The following TASP1 variants were observed in gnomAD, a reference collection of about 807,000 sequenced individuals.
The protein encoded by TASP1 is taspase 1.
TASP1 carries 16 observed loss-of-function variants against 56.6 expected under a neutral mutation model. The ratio of observed to expected loss-of-function variants is 0.28; its 90% CI spans 0.19 to 0.43. The LOEUF is 0.43. Among genes scored for constraint, TASP1 ranks in the 20% least tolerant of loss-of-function variants. The probability of loss-of-function intolerance (pLI) is 1.00; values close to 1 mark genes in which losing one functional copy is unlikely to be tolerated. For synonymous variants in TASP1, 179 were observed against 184.2 expected (o/e 0.97, Z 0.23); for missense variants, 393 against 511.6 (o/e 0.77, Z 2.24).
chr20:13,108,525 G>A, the TASP1 span, among the ~76,000 whole-genome samples: 1 of 152,176 alleles, frequency 6.6e-6, no homozygotes, highest in African/African-American at 2.4e-5. Flanking sequence ...CTTCTTGAGA[G>A]CTTTGTCTGT....
rs142743005 is a variant in TASP1 at position 13,410,074 on chromosome 20, A to G, written c.1170+7374T>C. On this transcript the variant is annotated intron_variant, in intron 13 of 13. Coordinates refer to ENST00000337743, the MANE Select transcript of TASP1 (RefSeq NM_017714.3). ...TCTCACACGTAAGTGAGAACATGCTAAAGTTGTCTTTCTGTGCCTGCCTTA... is the reference window on the plus strand; with the variant it reads ...TCTCACACGTAAGTGAGAACATGCTGAAGTTGTCTTTCTGTGCCTGCCTTA... Among the ~76,000 whole-genome samples, 5 of 152,302 alleles carry G rather than the reference A, an allele frequency of 3.3e-5. No individual in the cohort carries two copies. In the East Asian group the frequency reaches 7.7e-4, roughly 24 times the overall value.
intron 4 of TASP1, among the ~76,000 whole-genome samples, chr20:13,596,610 C>A (rs1009188551): frequency 1.3e-5 from 2 of 152,022 alleles, no homozygotes; most frequent in Admixed American, 6.5e-5. Flanking sequence ...CGTAATATCA[C>A]AATTAAAAGA....
chr20:13,612,924 C>G (rs1331270668), intron 4 of TASP1, among the ~76,000 whole-genome samples: 1 of 152,114 alleles, frequency 6.6e-6, no homozygotes. Flanking sequence ...TCTCCCAGCA[C>G]GCCCATTCAC....
chr20:13,161,929 T>A, the TASP1 span, among the ~76,000 whole-genome samples: 2 of 152,180 alleles, frequency 1.3e-5, no homozygotes, highest in Non-Finnish European at 2.9e-5. Flanking sequence ...ACAGTACAAA[T>A]TATTGAGTAG....
chr20:13,595,294 A>G (rs1434286269), intron 4 of TASP1, among the ~76,000 whole-genome samples: 1 of 152,230 alleles, frequency 6.6e-6, no homozygotes, highest in African/African-American at 2.4e-5. Context: ...AAAGACCATC[A>G]ATGCTATGAA....
chr20:13,429,605 G>GGTGTGT (rs2042732222), intron 12 of TASP1, among the ~76,000 whole-genome samples: 1 of 150,958 alleles, frequency 6.6e-6, no homozygotes, highest in African/African-American at 2.4e-5. Flanking sequence ...ACCAGCACAG[G>GGTGTGT]GTGTGTGTGA....
At chr20:13,299,050 A>T in the TASP1 span, 1 of 1,613,670 alleles carries the variant, frequency 6.2e-7, no homozygotes, top group Non-Finnish European at 8.5e-7. This position sits in a 1 kb window ranked among gnomAD's most constrained non-coding sequence, Gnocchi z 5.8. Context: ...TACCCCACTG[A>T]GGTGGCCTAC....
At position 13,536,103 on chromosome 20, in the gene TASP1, T is replaced by C. The variant is rs116402200; in HGVS notation, c.676-1962A>G. ...TTAGTTCCCCAGATGCCAAGTTTGA[T>C]GTCACCTTTAAGAAGGCTTCTCAAA... On this transcript the variant is annotated intron_variant, in intron 8 of 13. Transcript: ENST00000337743. Among the ~76,000 whole-genome samples the C allele has an allele frequency of 5.0e-3, 755 of 152,330 alleles. 4 individuals are homozygous for C. Among genetic ancestry groups the C allele is most frequent in the African/African-American group, 0.015 (615 of 41,592 alleles).
rs1257284333 is a variant in TASP1 at position 13,390,156 on chromosome 20, ACACT to A, written c.*200_*203del. 6.5e-5 allele frequency: 35 copies of A among 537,746 alleles called. No homozygotes were observed. The highest frequency in any genetic ancestry group is 7.2e-4 in the Middle Eastern group (2 of 2,780). 33.3% of individuals were successfully genotyped at this position (537,746 alleles called of 1,614,324 possible). ...CACATATGTGCGCACATACGCGCAC[ACACT>A]CACACACAGTCCCGCTCACCCACCA... is the stretch of plus-strand genomic sequence containing the variant. On this transcript the variant is annotated 3_prime_UTR_variant, in exon 14 of 14. Coordinates refer to ENST00000337743, the MANE Select transcript of TASP1 (RefSeq NM_017714.3).
At chr20:13,356,814 A>G in the TASP1 span, among the ~76,000 whole-genome samples, 5 of 152,266 alleles carry the variant, frequency 3.3e-5, no homozygotes, top group East Asian at 7.7e-4. Flanking sequence ...TACCACCAAG[A>G]GTCTGTCAAG....
At chr20:13,285,781 A>G in the TASP1 span, among the ~76,000 whole-genome samples, 1 of 152,246 alleles carries the variant, frequency 6.6e-6, no homozygotes, top group South Asian at 2.1e-4. Flanking sequence ...CCAAGAAACT[A>G]TAACAAGAAA....
chr20:13,298,422 CT>C, the TASP1 span, among the ~76,000 whole-genome samples: 1 of 152,144 alleles, frequency 6.6e-6, no homozygotes, highest in Non-Finnish European at 1.5e-5. Context: ...GGCCTCATCA[CT>C]TATTTAGAGG....
chr20:13,617,006 T>G (rs1291889152), intron 4 of TASP1: 1 of 453,498 alleles, frequency 2.2e-6, no homozygotes, highest in South Asian at 1.6e-5. Flanking sequence ...TCAGGATACA[T>G]TTCCCTTGTT....
chr20:13,350,432 A>T, the TASP1 span, among the ~76,000 whole-genome samples: 4 of 152,208 alleles, frequency 2.6e-5, no homozygotes, highest in African/African-American at 7.2e-5. Flanking sequence ...AACTTAAAAG[A>T]GGCGAAAAAT....
intron 10 of TASP1, among the ~76,000 whole-genome samples, chr20:13,519,342 AAAAG>A (rs1470259737): frequency 6.6e-6 from 1 of 152,100 alleles, no homozygotes; most frequent in Non-Finnish European, 1.5e-5. Context: ...AGTTGAAATT[AAAAG>A]AAAGAAAAAG....
chr20:13,407,875 G>A (rs541203322), intron 13 of TASP1, among the ~76,000 whole-genome samples: 7 of 152,064 alleles, frequency 4.6e-5, no homozygotes, highest in South Asian at 2.1e-4. Flanking sequence ...TTTGTATATC[G>A]TCTTTAGAAA....
the TASP1 span, among the ~76,000 whole-genome samples, chr20:13,117,338 A>C: frequency 6.6e-6 from 1 of 152,248 alleles, no homozygotes; most frequent in Non-Finnish European, 1.5e-5. Context: ...GAAATGCCCA[A>C]GTGGCCTTAC....
the TASP1 span, chr20:13,154,040 A>G: frequency 1.2e-6 from 2 of 1,614,150 alleles, no homozygotes; most frequent in Non-Finnish European, 1.7e-6. Context: ...AAAACACAAG[A>G]TACTTCAGAC....
In TASP1 at chr20:13,580,418, G is replaced by A. The variant is rs6079117; in HGVS notation, c.488+479C>T. On this transcript the variant is annotated intron_variant, in intron 6 of 13. Transcript: ENST00000337743. ...GCCATGACTGTGCCACTGCACTCCA[G>A]CCTGGGTGACAGAGTGAGACCCTGT... Among the ~76,000 whole-genome samples the A allele has an allele frequency of 5.0e-3, 761 of 152,274 alleles. 4 individuals are homozygous for A. Among genetic ancestry groups the A allele is most frequent in the East Asian group, 0.011 (58 of 5,186 alleles).
Sources: allele counts gnomAD v4.1 joint callset (sites outside exome capture counted in the v4.1 genomes callset), GRCh38; gene constraint gnomAD v4.1.1; non-coding constraint Gnocchi (gnomAD v3.1); transcripts MANE v1.5; gene names NCBI Gene and HGNC (gene_info 2026-07-23, HGNC 2026-07-21).